The following TBL1X variants were observed in gnomAD, a reference collection of about 807,000 sequenced individuals.
The protein encoded by TBL1X is F-box-like/WD repeat-containing protein TBL1X.
In TBL1X, 10 loss-of-function variants were observed where a neutral mutation model predicts 50.7. The observed-to-expected ratio is 0.20, with a 90% CI of 0.12 to 0.33. TBL1X has a LOEUF of 0.33. Ranked by LOEUF, TBL1X falls within the 10% of genes least tolerant of loss-of-function variation. TBL1X has a pLI of 1.00. For missense variants in TBL1X, 340 were observed against 504.4 expected (o/e 0.67, Z 3.12); for synonymous variants, 190 against 214.7 (o/e 0.88, Z 1.01).
chrX:9,479,054 C>T (rs2081864944), intron 1 of TBL1X, among the ~76,000 whole-genome samples: 1 of 112,748 alleles, frequency 8.9e-6, no homozygotes, highest in South Asian at 3.6e-4. Flanking sequence ...GTTTTAAAGC[C>T]CCTGTTCTCC....
chrX:9,617,312 C>T (rs1432566510), intron 2 of TBL1X, among the ~76,000 whole-genome samples: 1 of 111,409 alleles, frequency 9.0e-6, no homozygotes, highest in Non-Finnish European at 1.9e-5. Context: ...TCTCTGGAAG[C>T]GCTCAGGGAG....
intron 2 of TBL1X, among the ~76,000 whole-genome samples, chrX:9,547,008 C>T (rs1394805194): frequency 1.9e-5 from 2 of 105,877 alleles, no homozygotes; most frequent in African/African-American, 3.4e-5. Flanking sequence ...TTAGTAGAGA[C>T]GGGGTTTCAC....
At chrX:9,472,297 G>C (rs2081820281) in intron 1 of TBL1X, among the ~76,000 whole-genome samples, 1 of 110,973 alleles carries the variant, frequency 9.0e-6, no homozygotes, top group African/African-American at 3.3e-5. Context: ...TGTATTTTTA[G>C]AGATGGGGTC....
At chrX:9,507,227 A>G (rs1162129446) in intron 2 of TBL1X, among the ~76,000 whole-genome samples, 2 of 112,461 alleles carry the variant, frequency 1.8e-5, no homozygotes, top group African/African-American at 3.2e-5. Flanking sequence ...TGAACTGACA[A>G]GCAGCTTCAG....
intron 2 of TBL1X, among the ~76,000 whole-genome samples, chrX:9,592,916 G>A (rs186389981): frequency 1.8e-5 from 2 of 110,963 alleles, no homozygotes; most frequent in South Asian, 7.7e-4. Flanking sequence ...CAGTGCCCAT[G>A]GGTCTGTCCA....
At chrX:9,665,489 CTATATATATATATA>C (rs56756151) in intron 5 of TBL1X, among the ~76,000 whole-genome samples, 224 of 19,797 alleles carry the variant, frequency 0.011, 8 homozygotes, top group East Asian at 0.033. Flanking sequence ...GATATTCAAG[CTATATATATATATA>C]TATATATATA....
At chrX:9,702,890 C>G (rs984024046) in intron 12 of TBL1X, among the ~76,000 whole-genome samples, 4 of 111,747 alleles carry the variant, frequency 3.6e-5, no homozygotes, top group Non-Finnish European at 5.6e-5. Context: ...ATGGAGCCCA[C>G]TCAGTAGCTA....
Position 9,688,149 on chromosome X carries a change from G to GCGGCGGCTGCGGCCA in TBL1X, c.495_509dup (p.Ala168_Ala172dup). The GCGGCGGCTGCGGCCA allele has an allele frequency of 3.3e-6, 4 of 1,197,940 alleles. No homozygotes were observed. Among genetic ancestry groups the GCGGCGGCTGCGGCCA allele is most frequent in the Non-Finnish European group, 4.5e-6 (4 of 888,973 alleles). On this transcript the variant is annotated inframe_insertion, in exon 7 of 18. Transcript: ENST00000645353. Reference sequence around the variant, plus strand: ...TCAGCAGCAAGCCAGTGCGGCGGCGGCGGCGGCTGCGGCCACGGCAGCAGC... The same window carrying GCGGCGGCTGCGGCCA: ...TCAGCAGCAAGCCAGTGCGGCGGCGGCGGCGGCTGCGGCCACGGCGGCTGCGGCCACGGCAGCAGC...
chrX:9,665,060 C>T (rs1335767870), intron 5 of TBL1X, among the ~76,000 whole-genome samples: 1 of 110,123 alleles, frequency 9.1e-6, no homozygotes, highest in African/African-American at 3.3e-5. Context: ...GTTTTAATGG[C>T]ATTCTGATTT....
intron 17 of TBL1X, 46 bp from the exon 18 acceptor site, chrX:9,716,173 CT>C: frequency 2.5e-6 from 3 of 1,202,829 alleles, no homozygotes; most frequent in Non-Finnish European, 3.4e-6. Flanking sequence ...CTAAAGGCAT[CT>C]TTGTATTGTC....
At chrX:9,680,498 C>T (rs745849624) in intron 5 of TBL1X, among the ~76,000 whole-genome samples, 158 of 111,158 alleles carry the variant, frequency 1.4e-3, no homozygotes, top group Admixed American at 2.4e-3. Flanking sequence ...CCAAATGAAG[C>T]GACATGGGCC....
chrX:9,530,842 C>T lies in TBL1X; in HGVS notation c.-131+28993C>T, dbSNP rs957416110. On this transcript the variant is annotated intron_variant, in intron 2 of 17. Transcript: ENST00000645353. ...CACGTTTTACCCATTGACTTTAATTCCTCCCTCCCTCCATTACATTTTTAG... is the reference window on the plus strand; with the variant it reads ...CACGTTTTACCCATTGACTTTAATTTCTCCCTCCCTCCATTACATTTTTAG... 3 of 111,470 alleles carry T rather than the reference C, an allele frequency of 2.7e-5. No homozygotes were observed. In the Admixed American group the frequency reaches 2.9e-4, roughly 11 times the overall value. The allele number at this position is 111,470 out of a possible 1,213,427, so 9.2% of individuals were successfully genotyped here.
chrX:9,487,065 T>C (rs996005520), intron 1 of TBL1X, among the ~76,000 whole-genome samples: 16 of 111,910 alleles, frequency 1.4e-4, no homozygotes, highest in African/African-American at 5.2e-4. Context: ...CTTATCTCCT[T>C]AGGATGGTTA....
At chrX:9,657,052 A>G (rs1303627357) in intron 5 of TBL1X, among the ~76,000 whole-genome samples, 1 of 112,262 alleles carries the variant, frequency 8.9e-6, no homozygotes, top group Non-Finnish European at 1.9e-5. Context: ...TTCATTCCTC[A>G]GCTCCCTCCA....
intron 5 of TBL1X, among the ~76,000 whole-genome samples, chrX:9,674,326 C>G (rs1036035647): frequency 1.8e-5 from 2 of 110,550 alleles, no homozygotes; most frequent in East Asian, 5.7e-4. Context: ...GTGGCATGAT[C>G]TTGCCTCACT....
At chrX:9,688,422 G>T (rs2083075499) in intron 7 of TBL1X, 147 bp downstream of exon 7, 3 of 528,322 alleles carry the variant, frequency 5.7e-6, no homozygotes, top group Non-Finnish European at 8.6e-6. Context: ...CTGGCCGGAA[G>T]AACTTCCCGT....
At chrX:9,615,950 T>A (rs2082637164) in intron 2 of TBL1X, among the ~76,000 whole-genome samples, 1 of 112,230 alleles carries the variant, frequency 8.9e-6, no homozygotes, top group African/African-American at 3.2e-5. Context: ...ACGTCATGTT[T>A]CCATAACACA....
intron 3 of TBL1X, among the ~76,000 whole-genome samples, chrX:9,647,369 A>C (rs1274706865): frequency 8.9e-6 from 1 of 112,330 alleles, no homozygotes; most frequent in Non-Finnish European, 1.9e-5. Flanking sequence ...CAGTGAGAGA[A>C]TGTTGTGGCT....
intron 2 of TBL1X, among the ~76,000 whole-genome samples, chrX:9,518,031 C>T (rs1301596801): frequency 9.5e-6 from 1 of 105,003 alleles, no homozygotes; most frequent in South Asian, 4.4e-4. Context: ...CCCAGGAGTT[C>T]GAGGCTGCAG....
Sources: allele counts gnomAD v4.1 joint callset (sites outside exome capture counted in the v4.1 genomes callset), GRCh38; gene constraint gnomAD v4.1.1; transcripts MANE v1.5; gene names NCBI Gene and HGNC (gene_info 2026-07-23, HGNC 2026-07-21).